ZC3H3: variants seen among roughly 807,000 people sequenced by gnomAD.
The protein encoded by ZC3H3 is zinc finger CCCH domain-containing protein 3.
ZC3H3 carries 36 observed loss-of-function variants against 77.3 expected under a neutral mutation model. The ratio of observed to expected loss-of-function variants is 0.47; its 90% CI spans 0.36 to 0.61. The LOEUF (loss-of-function observed/expected upper bound fraction) is 0.61, where lower values mean the gene tolerates loss of function less well. Ranked by LOEUF, ZC3H3 falls within the 20% of genes least tolerant of loss-of-function variation. ZC3H3 has a pLI of 0.00. For missense variants in ZC3H3, 1,331 were observed against 1,312.2 expected, an observed-to-expected ratio of 1.01 and a Z score of -0.22; for synonymous variants, 626 against 555.2, an observed-to-expected ratio of 1.13 and a Z score of -1.79.
chr8:143,507,414 C>T (rs777453237), intron 4 of ZC3H3, among the ~76,000 whole-genome samples: 13 of 152,260 alleles, frequency 8.5e-5, no homozygotes, highest in Non-Finnish European at 1.6e-4. Flanking sequence ...CAGCACATGG[C>T]GTGGGCCCTG....
intron 4 of ZC3H3, among the ~76,000 whole-genome samples, chr8:143,489,002 C>T (rs1407617213): frequency 6.6e-6 from 1 of 152,256 alleles, no homozygotes; most frequent in Admixed American, 6.5e-5. Flanking sequence ...GAAGGGCCAG[C>T]AGTCATGCCC....
At chr8:143,475,608 T>C (rs1820711878) in intron 4 of ZC3H3, 23 bp from the exon 5 acceptor site, 1 of 1,560,938 alleles carries the variant, frequency 6.4e-7, no homozygotes. Flanking sequence ...GAAATGCCCG[T>C]CAAACCTGGC....
chr8:143,523,262 G>A (rs1376733854), intron 3 of ZC3H3: 1 of 966,582 alleles, frequency 1.0e-6, no homozygotes, highest in East Asian at 1.1e-4. Context: ...CTCCAGGCTT[G>A]CTCCACGTCC....
At chr8:143,506,372 TAAGTA>T (rs904322281) in intron 4 of ZC3H3, among the ~76,000 whole-genome samples, 4 of 152,218 alleles carry the variant, frequency 2.6e-5, no homozygotes, top group Admixed American at 6.5e-5. Context: ...GGGCTCTTAT[TAAGTA>T]AATTAATTTA....
chr8:143,440,883 G>A (rs1264027470), intron 10 of ZC3H3, 53 bp downstream of exon 10: 4 of 1,354,862 alleles, frequency 3.0e-6, no homozygotes, highest in African/African-American at 3.0e-5. Context: ...CATCTCCCCA[G>A]ACAGGGAGGG....
At chr8:143,469,063 C>G (rs961548884) in intron 5 of ZC3H3, among the ~76,000 whole-genome samples, 1 of 152,230 alleles carries the variant, frequency 6.6e-6, no homozygotes, top group African/African-American at 2.4e-5. Flanking sequence ...TGGCTGGAAC[C>G]CCCCTGCTGG....
In ZC3H3 at chr8:143,516,787, C is replaced by T. The variant is rs374716236; in HGVS notation, c.1562-8888G>A. 2.0e-5 allele frequency among the ~76,000 whole-genome samples: 3 copies of T among 152,324 alleles called. No homozygotes were observed. The South Asian group carries it at 6.2e-4, about 32-fold the overall frequency. On this transcript the variant is annotated intron_variant, in intron 3 of 11. Coordinates refer to ENST00000262577, the MANE Select transcript of ZC3H3 (RefSeq NM_015117.3). ...CAGCTTTCATGTCCTGGCCTCGCGT[C>T]CCTGGGACGCAGCCCCGTGGGATCC...
chr8:143,448,430 G>A (rs536283828), intron 9 of ZC3H3, among the ~76,000 whole-genome samples: 2 of 152,324 alleles, frequency 1.3e-5, no homozygotes, highest in South Asian at 4.1e-4. Context: ...TTTCAAAAGG[G>A]AGAAATCAGC....
Position 143,441,090 on chromosome 8 carries a change from C to A in ZC3H3, c.2338G>T (p.Asp780Tyr). The A allele has an allele frequency of 6.9e-7, 1 of 1,459,166 alleles. No individual in the cohort carries two copies. The highest frequency in any genetic ancestry group is 9.0e-7 in the Non-Finnish European group (1 of 1,116,714). The allele number at this position is 1,459,166 out of a possible 1,614,324, so 90.4% of individuals were successfully genotyped here. ...CKKKHTLLCP[D>Y]FARRGACPRG... ...GGACACGCCCCCCTGCGGGCAAAGTCGGGGCACAGCAGCGTGTGTTTCTTC... is the reference window on the plus strand; with the variant it reads ...GGACACGCCCCCCTGCGGGCAAAGTAGGGGCACAGCAGCGTGTGTTTCTTC... Residue 780 changes from aspartate to tyrosine, a missense_variant, in exon 10 of 12, where the codon GAC (aspartate) becomes TAC (tyrosine). Asp to Tyr is a radical substitution (Grantham distance 160). Transcript: ENST00000262577.
At chr8:143,515,550 G>C (rs1013944151) in intron 3 of ZC3H3, among the ~76,000 whole-genome samples, 5 of 152,224 alleles carry the variant, frequency 3.3e-5, no homozygotes, top group African/African-American at 9.6e-5. Context: ...CTGTTTGGAG[G>C]GAAAGATTCG....
chr8:143,451,440 C>T (rs1378474672), intron 9 of ZC3H3, among the ~76,000 whole-genome samples: 1 of 151,946 alleles, frequency 6.6e-6, no homozygotes, highest in African/African-American at 2.4e-5. Context: ...GTAGACACAC[C>T]GACATGCACC....
At chr8:143,540,910 C>A (rs1822989829) in intron 1 of ZC3H3, among the ~76,000 whole-genome samples, 1 of 151,838 alleles carries the variant, frequency 6.6e-6, no homozygotes, top group South Asian at 2.1e-4. Flanking sequence ...GAGCCGTGAT[C>A]GCGTCACCGC....
intron 9 of ZC3H3, among the ~76,000 whole-genome samples, chr8:143,457,495 G>A (rs1180635871): frequency 6.6e-6 from 1 of 152,118 alleles, no homozygotes. Flanking sequence ...ACTTTGGGAG[G>A]CTGAGGCGGA....
chr8:143,519,434 A>C (rs1481466080), intron 3 of ZC3H3, among the ~76,000 whole-genome samples: 1 of 152,096 alleles, frequency 6.6e-6, no homozygotes, highest in East Asian at 1.9e-4. Context: ...CGGTAAGATG[A>C]GCTCATGTGT....
chr8:143,437,998 C>A lies in ZC3H3; in HGVS notation c.*58G>T. On this transcript the variant is annotated 3_prime_UTR_variant, in exon 12 of 12. Coordinates refer to ENST00000262577, the MANE Select transcript of ZC3H3 (RefSeq NM_015117.3). ...CTGTGGGGTAGAGTGGTGGACAGAG[C>A]CTCTTTCCTCTCCAAGGATGAGGGT... is the stretch of plus-strand genomic sequence containing the variant. 6.3e-7 allele frequency: 1 copy of A among 1,582,888 alleles called. No individual in the cohort carries two copies. Among genetic ancestry groups the A allele is most frequent in the East Asian group, 2.3e-5 (1 of 43,608 alleles).
At chr8:143,495,689 C>T (rs1405590416) in intron 4 of ZC3H3, among the ~76,000 whole-genome samples, 14 of 152,130 alleles carry the variant, frequency 9.2e-5, no homozygotes, top group Admixed American at 9.2e-4. Context: ...TCAAGCGATC[C>T]TCCTGACTCA....
At chr8:143,439,223 C>T (rs370781859) in intron 11 of ZC3H3, among the ~76,000 whole-genome samples, 4 of 152,212 alleles carry the variant, frequency 2.6e-5, no homozygotes, top group African/African-American at 9.6e-5. Context: ...GAGGGTCTGG[C>T]CACGGCTCCA....
Position 143,533,501 on chromosome 8 carries a change from G to A in ZC3H3, c.1561+2756C>T, listed in dbSNP as rs1223397693. 2.6e-5 allele frequency among the ~76,000 whole-genome samples: 4 copies of A among 152,086 alleles called. No individual in the cohort carries two copies. Among genetic ancestry groups the A allele is most frequent in the East Asian group, 1.9e-4 (1 of 5,174 alleles). On this transcript the variant is annotated intron_variant, in intron 3 of 11. Transcript: ENST00000262577. This position sits in a 1 kb window ranked among gnomAD's most constrained non-coding sequence, Gnocchi z 4.0. Reference sequence around the variant, plus strand: ...CTGCCTGTCTCCACCACTGGAAGGCGGCTCCAGCCTCATCATCTCTTCACC... The same window carrying A: ...CTGCCTGTCTCCACCACTGGAAGGCAGCTCCAGCCTCATCATCTCTTCACC...
chr8:143,520,823 C>G (rs1822217720), intron 3 of ZC3H3, among the ~76,000 whole-genome samples: 1 of 152,220 alleles, frequency 6.6e-6, no homozygotes, highest in Non-Finnish European at 1.5e-5. Flanking sequence ...TGACAGGCAG[C>G]TCACGGTGCC....
Sources: gnomAD v4.1 joint callset for allele counts (sites outside exome capture counted in the v4.1 genomes callset) on GRCh38, gnomAD v4.1.1 for gene constraint, Gnocchi (gnomAD v3.1) non-coding constraint, MANE v1.5 for transcripts, NCBI Gene and HGNC (gene_info 2026-07-23, HGNC 2026-07-21) for gene names.